KLF12: variants seen among roughly 807,000 people sequenced by gnomAD.
KLF12 encodes KLF transcription factor 12, also known as Krueppel-like factor 12.
KLF12 carries 9 observed loss-of-function variants against 37.8 expected under a neutral mutation model. The ratio of observed to expected loss-of-function variants is 0.24; its 90% confidence interval spans 0.14 to 0.42. The LOEUF (loss-of-function observed/expected upper bound fraction) is 0.42. KLF12 is among the 10% of genes least tolerant of loss of function. KLF12 has a pLI of 1.00. For synonymous variants in KLF12, 208 were observed against 202.1 expected, an observed-to-expected ratio of 1.03 and a Z score of -0.25; for missense variants, 411 against 516.0, an observed-to-expected ratio of 0.80 and a Z score of 1.97.
chr13:73,827,470 T>C (rs1883914794), intron 4 of KLF12, among the ~76,000 whole-genome samples: 1 of 152,204 alleles, frequency 6.6e-6, no homozygotes, highest in African/African-American at 2.4e-5. Flanking sequence ...TCAATTCTCC[T>C]CCCAAATACA....
chr13:74,290,700 T>C, the KLF12 span, among the ~76,000 whole-genome samples: 6 of 152,234 alleles, frequency 3.9e-5, no homozygotes, highest in African/African-American at 1.4e-4. Context: ...GTTTTAGGCA[T>C]TGCAGTTTCT....
chr13:73,933,176 CTTA>C (rs1889763833), intron 3 of KLF12, among the ~76,000 whole-genome samples: 2 of 152,146 alleles, frequency 1.3e-5, no homozygotes, highest in Non-Finnish European at 2.9e-5. Context: ...AATTGACATC[CTTA>C]TTATGAGATG....
chr13:73,762,163 C>G (rs1423346450), intron 6 of KLF12, among the ~76,000 whole-genome samples: 1 of 152,226 alleles, frequency 6.6e-6, no homozygotes, highest in East Asian at 1.9e-4. Context: ...CCTGAATCCA[C>G]TCCAACATAT....
intron 3 of KLF12, among the ~76,000 whole-genome samples, chr13:73,935,069 T>G (rs1325237332): frequency 6.6e-6 from 1 of 151,996 alleles, no homozygotes; most frequent in Non-Finnish European, 1.5e-5. Context: ...ACCCTCCACC[T>G]CCCGGGCTCA....
At chr13:73,928,633 G>A (rs7323072) in intron 3 of KLF12, among the ~76,000 whole-genome samples, 1 of 151,992 alleles carries the variant, frequency 6.6e-6, no homozygotes, top group Non-Finnish European at 1.5e-5. Context: ...CATTTTTCAT[G>A]AAACATGATA....
chr13:73,962,714 CAAAA>C (rs1404669319), intron 2 of KLF12, among the ~76,000 whole-genome samples: 4 of 151,994 alleles, frequency 2.6e-5, no homozygotes, highest in Non-Finnish European at 4.4e-5. Flanking sequence ...AATTCAAAAA[CAAAA>C]AGAATATACT....
the KLF12 span, among the ~76,000 whole-genome samples, chr13:74,166,714 A>G: frequency 6.6e-6 from 1 of 152,160 alleles, no homozygotes; most frequent in Non-Finnish European, 1.5e-5. Flanking sequence ...CTACTAGACT[A>G]TGACTCAACC....
the KLF12 span, chr13:74,259,589 GT>G: frequency 3.9e-5 from 6 of 152,192 alleles, no homozygotes; most frequent in South Asian, 1.2e-3. Context: ...CCCTCTTAAG[GT>G]TTTTTCTTTC....
chr13:73,889,947 C>A (rs561848099), intron 3 of KLF12, among the ~76,000 whole-genome samples: 3 of 152,018 alleles, frequency 2.0e-5, no homozygotes, highest in Non-Finnish European at 4.4e-5. Context: ...AATTTTGAAG[C>A]CTACTCTTCA....
At position 73,833,775 on chromosome 13, in the gene KLF12, G is replaced by C. The variant is rs142062418; in HGVS notation, c.670+12052C>G. ...GCTGGGACGTGAGATGTATTTGGTG[G>C]AATGGCAACAGACTGAGAGGGAGGG... On this transcript the variant is annotated intron_variant, in intron 4 of 7. Transcript: ENST00000377669. Among the ~76,000 whole-genome samples the C allele has an allele frequency of 2.7e-4, 41 of 152,272 alleles. No individual in the cohort carries two copies. In the East Asian group the frequency reaches 7.0e-3, roughly 26 times the overall value.
the KLF12 span, among the ~76,000 whole-genome samples, chr13:74,229,026 G>A: frequency 4.6e-5 from 7 of 152,110 alleles, no homozygotes; most frequent in Non-Finnish European, 1.0e-4. Context: ...GTGGATCTTT[G>A]TGTTCTATTA....
At chr13:73,823,604 G>A (rs9888532) in intron 4 of KLF12, among the ~76,000 whole-genome samples, 1 of 151,956 alleles carries the variant, frequency 6.6e-6, no homozygotes, top group African/African-American at 2.4e-5. Flanking sequence ...TTGAAGATAT[G>A]GTCTAAGACT....
chr13:73,975,247 TG>T (rs1351783932), intron 2 of KLF12, among the ~76,000 whole-genome samples: 13 of 152,234 alleles, frequency 8.5e-5, no homozygotes, highest in African/African-American at 2.7e-4. Context: ...AATGAGGTAT[TG>T]TCCAATTCTA....
At chr13:73,885,451 G>C (rs1887176864) in intron 3 of KLF12, among the ~76,000 whole-genome samples, 1 of 152,130 alleles carries the variant, frequency 6.6e-6, no homozygotes, top group Non-Finnish European at 1.5e-5. Flanking sequence ...ATGATCTCTA[G>C]TCTTGATTTT....
intron 3 of KLF12, among the ~76,000 whole-genome samples, chr13:73,917,718 C>A (rs1566458460): frequency 6.6e-6 from 1 of 152,206 alleles, no homozygotes. Flanking sequence ...CAAACACTAG[C>A]TAATATTTTT....
chr13:74,172,724 A>C, the KLF12 span, among the ~76,000 whole-genome samples: 1 of 152,122 alleles, frequency 6.6e-6, no homozygotes, highest in Non-Finnish European at 1.5e-5. Context: ...CTTTCCCCAT[A>C]CCACAGGCAA....
intron 1 of KLF12, among the ~76,000 whole-genome samples, chr13:74,037,937 C>G (rs1000914448): frequency 2.6e-5 from 4 of 152,076 alleles, no homozygotes; most frequent in Non-Finnish European, 5.9e-5. Flanking sequence ...TATGAGGGGT[C>G]AGGGTTAGCT....
intron 3 of KLF12, among the ~76,000 whole-genome samples, chr13:73,847,722 T>C (rs1425305709): frequency 6.6e-6 from 1 of 152,144 alleles, no homozygotes; most frequent in Non-Finnish European, 1.5e-5. Flanking sequence ...AAATGAGTCA[T>C]CTAAAATATC....
At chr13:73,813,910 T>A (rs1336553928) in intron 4 of KLF12, among the ~76,000 whole-genome samples, 1 of 151,626 alleles carries the variant, frequency 6.6e-6, no homozygotes, top group Non-Finnish European at 1.5e-5. Context: ...GCTCTTGAAC[T>A]CTATCCTGTT....
Sources: gnomAD v4.1 joint callset for allele counts (sites outside exome capture counted in the v4.1 genomes callset) on GRCh38, gnomAD v4.1.1 for gene constraint, MANE v1.5 for transcripts, NCBI Gene and HGNC (gene_info 2026-07-23, HGNC 2026-07-21) for gene names.